Variants in MTRR observed in about 807,000 individuals in gnomAD.
The protein encoded by MTRR is methionine synthase reductase.
A neutral mutation model predicts 79.2 loss-of-function variants in MTRR; 63 were observed. The observed-to-expected ratio is 0.80, with a 90% CI of 0.65 to 0.98. The LOEUF (loss-of-function observed/expected upper bound fraction) is 0.98. Among genes scored for constraint, MTRR ranks in the 50% least tolerant of loss-of-function variants. MTRR has a pLI of 0.00. For synonymous variants in MTRR, 355 were observed against 313.3 expected (o/e 1.13, Z -1.41); for missense variants, 895 against 839.6 (o/e 1.07, Z -0.82).
Position 7,875,243 on chromosome 5 carries a change from A to G in MTRR, c.284-15A>G, listed in dbSNP as rs2126675168. 1 of 1,527,410 alleles carries G rather than the reference A, an allele frequency of 6.5e-7. No homozygotes were observed. Among genetic ancestry groups the G allele is most frequent in the Non-Finnish European group, 9.1e-7 (1 of 1,101,490 alleles). The allele number at this position is 1,527,410 out of a possible 1,614,324, so 94.6% of individuals were successfully genotyped here. ...AAACTTTATTGTGCATTAATTATGTATTTGGGTTCTCTAGGTCTCGGTGAT... is the reference window on the plus strand; with the variant it reads ...AAACTTTATTGTGCATTAATTATGTGTTTGGGTTCTCTAGGTCTCGGTGAT... On this transcript the variant is annotated splice_polypyrimidine_tract_variant and intron_variant, in intron 3 of 14. Coordinates refer to ENST00000440940, the MANE Select transcript of MTRR (RefSeq NM_002454.3).
chr5:7,886,839 T>G (rs1376984833), intron 8 of MTRR, 136 bp downstream of exon 8: 5 of 715,882 alleles, frequency 7.0e-6, no homozygotes, highest in Non-Finnish European at 9.9e-6. Flanking sequence ...TAATATTAGT[T>G]CCCAAGGGTG....
At chr5:7,871,051 GT>G in intron 2 of MTRR, 128 bp downstream of exon 2, 1 of 1,108,558 alleles carries the variant, frequency 9.0e-7, no homozygotes, top group Non-Finnish European at 1.4e-6. Context: ...AAATGTGTTT[GT>G]TCAATGGTAT....
intron 1 of MTRR, among the ~76,000 whole-genome samples, chr5:7,852,427 G>A (rs1267725412): frequency 6.6e-6 from 1 of 152,018 alleles, no homozygotes; most frequent in African/African-American, 2.4e-5. Context: ...TGAGCTTCCT[G>A]AGAAACCCAT....
At chr5:7,855,605 C>G (rs1231572364) in intron 1 of MTRR, among the ~76,000 whole-genome samples, 2 of 152,038 alleles carry the variant, frequency 1.3e-5, no homozygotes, top group Non-Finnish European at 2.9e-5. Context: ...ATCCTCCTGC[C>G]GTGGCCTCCC....
intron 14 of MTRR, among the ~76,000 whole-genome samples, chr5:7,899,249 A>G (rs892175751): frequency 6.6e-6 from 1 of 152,180 alleles, no homozygotes; most frequent in African/African-American, 2.4e-5. Flanking sequence ...GAGAGGGCAC[A>G]CATCCAAACT....
intron 1 of MTRR, among the ~76,000 whole-genome samples, chr5:7,858,696 A>G (rs1005239861): frequency 2.0e-5 from 3 of 152,012 alleles, no homozygotes; most frequent in African/African-American, 7.2e-5. Flanking sequence ...TACAGGTTCA[A>G]TTGTATCCCT....
chr5:7,899,527 G>C (rs1457869953), intron 14 of MTRR, among the ~76,000 whole-genome samples: 1 of 152,186 alleles, frequency 6.6e-6, no homozygotes, highest in African/African-American at 2.4e-5. Flanking sequence ...CGAGAGATCT[G>C]GTTCCCTTCA....
intron 1 of MTRR, among the ~76,000 whole-genome samples, chr5:7,854,524 A>G (rs992527913): frequency 2.4e-4 from 36 of 152,282 alleles, no homozygotes; most frequent in African/African-American, 8.7e-4. Flanking sequence ...GAGGCCTCAG[A>G]ATCATGGCAG....
chr5:7,896,735 C>A, intron 12 of MTRR, 129 bp from the exon 13 acceptor site: 2 of 776,228 alleles, frequency 2.6e-6, no homozygotes, highest in Non-Finnish European at 2.2e-6. Context: ...AATTAAATGA[C>A]TGAATGTTCA....
At chr5:7,851,563 T>C (rs1186302389) in exon 1 of MTRR, 1 of 152,304 alleles carries the variant, frequency 6.6e-6, no homozygotes, top group Non-Finnish European at 1.5e-5. Context: ...GAGAGCCACG[T>C]GTGTCGTTTC....
At chr5:7,887,776 T>TTG (rs138411575) in intron 8 of MTRR, among the ~76,000 whole-genome samples, 17 of 112,322 alleles carry the variant, frequency 1.5e-4, no homozygotes, top group Admixed American at 4.2e-4. Context: ...ATGTATATAT[T>TTG]TGTGTGTGTG....
upstream of MTRR, chr5:7,867,258 ATGTT>A (rs770743347): frequency 6.2e-7 from 1 of 1,613,942 alleles, no homozygotes; most frequent in Middle Eastern, 1.6e-4. Flanking sequence ...TTATTTAAAA[ATGTT>A]TGGTGTTCAT....
chr5:7,896,066 T>C (rs1561283370), intron 12 of MTRR, among the ~76,000 whole-genome samples: 1 of 152,234 alleles, frequency 6.6e-6, no homozygotes, highest in African/African-American at 2.4e-5. Flanking sequence ...TGTGGCACTT[T>C]TAGTTTTTTC....
intron 1 of MTRR, 50 bp downstream of exon 1, chr5:7,869,265 A>C: frequency 1.3e-6 from 2 of 1,595,018 alleles, no homozygotes; most frequent in South Asian, 1.1e-5. Context: ...CTCGCCCTGC[A>C]CTAATCTCCT....
At chr5:7,891,285 T>TG (rs1208819169) in intron 9 of MTRR, 87 bp from the exon 10 acceptor site, 3 of 757,220 alleles carry the variant, frequency 4.0e-6, no homozygotes, top group Non-Finnish European at 4.2e-6. Flanking sequence ...AAATAAGACA[T>TG]GGAATTTTTT....
chr5:7,892,598 C>G (rs1737788403), intron 10 of MTRR, 129 bp from the exon 11 acceptor site: 2 of 1,007,442 alleles, frequency 2.0e-6, no homozygotes, highest in Non-Finnish European at 3.1e-6. Flanking sequence ...TGGCTTTCCT[C>G]TGTGAGGATT....
intron 10 of MTRR, 101 bp downstream of exon 10, chr5:7,891,515 T>TA: frequency 4.1e-6 from 4 of 977,412 alleles, no homozygotes; most frequent in South Asian, 4.0e-5. Flanking sequence ...AGTGAAAACT[T>TA]ACCTGCTTTA....
intron 1 of MTRR, 155 bp downstream of exon 1, chr5:7,869,370 G>A (rs1747452085): frequency 5.1e-6 from 4 of 787,160 alleles, no homozygotes; most frequent in Non-Finnish European, 2.0e-6. Context: ...CGCGGGCTGG[G>A]GCTCGGACTT....
At chr5:7,858,012 G>A (rs530250074) in intron 1 of MTRR, among the ~76,000 whole-genome samples, 1 of 152,312 alleles carries the variant, frequency 6.6e-6, no homozygotes, top group Admixed American at 6.5e-5. Context: ...CTCTTCGTGT[G>A]GCTGTTTAAT....
Sources: allele counts gnomAD v4.1 joint callset (sites outside exome capture counted in the v4.1 genomes callset), GRCh38; gene constraint gnomAD v4.1.1; transcripts MANE v1.5; gene names NCBI Gene and HGNC (gene_info 2026-07-23, HGNC 2026-07-21).